The following PI4KA variants were observed in gnomAD, a reference collection of about 807,000 sequenced individuals.
The protein encoded by PI4KA is PI4-kinase alpha.
PI4KA carries 122 observed loss-of-function variants against 271.4 expected under a neutral mutation model. That is an observed-to-expected ratio of 0.45 (90% CI 0.39 to 0.52). PI4KA has a LOEUF of 0.52. Among genes scored for constraint, PI4KA ranks in the 20% least tolerant of loss-of-function variants. The pLI is 0.00. For missense variants in PI4KA, 1,969 were observed against 2,769.1 expected (o/e 0.71, Z 6.48); for synonymous variants, 1,041 against 1,078.8 (o/e 0.96, Z 0.69).
intron 23 of PI4KA, among the ~76,000 whole-genome samples, chr22:20,759,472 C>T (rs1303403492): frequency 2.9e-5 from 4 of 138,636 alleles, no homozygotes; most frequent in African/African-American, 8.2e-5. Context: ...GGCACGATCT[C>T]GGCTCACCTC....
rs372430628 is a variant in PI4KA, at chr22:20,759,023, T to C, written c.2791+2281A>G. ...ACTAGAAGAGTCTTACCTGAAGCAG[T>C]ATCTCAGAGCCCCTGGGGCATTTTT... is the stretch of plus-strand genomic sequence containing the variant. On this transcript the variant is annotated intron_variant, in intron 23 of 54. Transcript: ENST00000255882. Among the ~76,000 whole-genome samples, 3 of 152,238 alleles carry C rather than the reference T, an allele frequency of 2.0e-5. No homozygotes were observed. The East Asian group carries it at 5.8e-4, about 29-fold the overall frequency.
intron 19 of PI4KA, among the ~76,000 whole-genome samples, chr22:20,783,500 C>A (rs1933962349): frequency 2.0e-5 from 3 of 150,988 alleles, no homozygotes; most frequent in African/African-American, 7.3e-5. Flanking sequence ...GTAGTCCAAG[C>A]TACTGGGGAG....
At position 20,747,363 on chromosome 22, in the gene PI4KA, TA is replaced by T. The variant is rs369504375; in HGVS notation, c.3363+219del. Reference sequence around the variant, plus strand: ...ACTGATCCCCATAAATCCATAAATTTAAAAAAAAAAAAGCACAATAAGGAAA... The same window carrying T: ...ACTGATCCCCATAAATCCATAAATTTAAAAAAAAAAAGCACAATAAGGAAA... On this transcript the variant is annotated intron_variant, in intron 29 of 54. Transcript: ENST00000255882. The T allele has an allele frequency of 0.13, 46,602 of 349,622 alleles. 407 individuals carry two copies. Among genetic ancestry groups the T allele is most frequent in the Middle Eastern group, 0.16 (211 of 1,296 alleles). The allele number at this position is 349,622 out of a possible 1,614,324, so 21.7% of individuals were successfully genotyped here. A position where few individuals can be genotyped will look rare whatever the true frequency, so the allele number is the denominator to read the frequency against.
chr22:20,725,878 C>A, intron 42 of PI4KA: 2 of 164,224 alleles, frequency 1.2e-5, no homozygotes, highest in Admixed American at 6.3e-5. Context: ...CGCCACTGCA[C>A]TCTAGCCTGA....
intron 1 of PI4KA, among the ~76,000 whole-genome samples, chr22:20,842,242 A>T (rs957212765): frequency 9.3e-5 from 14 of 151,224 alleles, no homozygotes; most frequent in Non-Finnish European, 1.5e-4. Flanking sequence ...TATACATATT[A>T]AAAAAAAATG....
chr22:20,825,317 G>T (rs900369743), intron 3 of PI4KA, among the ~76,000 whole-genome samples: 3 of 152,084 alleles, frequency 2.0e-5, no homozygotes, highest in African/African-American at 7.2e-5. Flanking sequence ...AGGACAGACT[G>T]GGTGCAGTGG....
At chr22:20,816,003 G>A (rs1921762538) in intron 7 of PI4KA, among the ~76,000 whole-genome samples, 1 of 151,924 alleles carries the variant, frequency 6.6e-6, no homozygotes, top group Non-Finnish European at 1.5e-5. Context: ...GCAGTGTCAC[G>A]ATGTCTGCTC....
chr22:20,721,870 T>C (rs1356110113), intron 42 of PI4KA: 1 of 164,094 alleles, frequency 6.1e-6, no homozygotes, highest in Admixed American at 5.8e-5. Flanking sequence ...AGGTTTTGTG[T>C]CCCCACCCAA....
intron 19 of PI4KA, among the ~76,000 whole-genome samples, chr22:20,770,513 CA>C (rs1178691364): frequency 4.5e-3 from 59 of 13,200 alleles, no homozygotes; most frequent in South Asian, 0.025. Context: ...AACTCCGTCT[CA>C]AAAAAAAAAA....
At chr22:20,835,424 T>C (rs1924726920) in intron 2 of PI4KA, among the ~76,000 whole-genome samples, 1 of 152,144 alleles carries the variant, frequency 6.6e-6, no homozygotes, top group Non-Finnish European at 1.5e-5. Flanking sequence ...CATGGTAGTT[T>C]TAAAAACATG....
At chr22:20,752,793 T>A (rs1183159244) in intron 25 of PI4KA, 110 bp downstream of exon 25, 10 of 1,194,836 alleles carry the variant, frequency 8.4e-6, no homozygotes, top group Non-Finnish European at 1.2e-5. Flanking sequence ...GTTTTCATTC[T>A]GACTCCATTT....
chr22:20,716,769 C>A (rs2147187397), intron 45 of PI4KA, among the ~76,000 whole-genome samples: 1 of 152,340 alleles, frequency 6.6e-6, no homozygotes, highest in Middle Eastern at 3.4e-3. Flanking sequence ...GATGCGGGAA[C>A]AGAGGCCCTG....
intron 32 of PI4KA, among the ~76,000 whole-genome samples, chr22:20,741,791 A>G (rs1929490882): frequency 6.6e-6 from 1 of 152,218 alleles, no homozygotes; most frequent in African/African-American, 2.4e-5. Context: ...TTATCTAATC[A>G]GCTGAAACGT....
intron 9 of PI4KA, among the ~76,000 whole-genome samples, chr22:20,807,693 T>C (rs1935746540): frequency 6.6e-6 from 1 of 152,154 alleles, no homozygotes; most frequent in South Asian, 2.1e-4. Context: ...AGCAGCCATC[T>C]GCACCCTAGT....
chr22:20,816,333 T>G (rs1031120226), intron 7 of PI4KA, among the ~76,000 whole-genome samples: 1 of 152,220 alleles, frequency 6.6e-6, no homozygotes, highest in Non-Finnish European at 1.5e-5. Flanking sequence ...CTCACTATGT[T>G]GCCCAGGCTA....
chr22:20,851,618 G>T (rs1027162199), intron 1 of PI4KA, among the ~76,000 whole-genome samples: 12 of 152,176 alleles, frequency 7.9e-5, no homozygotes, highest in African/African-American at 2.4e-4. Flanking sequence ...GATTACAGGC[G>T]TGAGCCACTG....
intron 4 of PI4KA, among the ~76,000 whole-genome samples, chr22:20,823,239 T>C (rs1380258321): frequency 2.0e-5 from 3 of 152,182 alleles, no homozygotes; most frequent in Non-Finnish European, 4.4e-5. Flanking sequence ...TATGTTAAAG[T>C]CATGTTATCA....
chr22:20,747,060 T>C (rs1930192890), intron 29 of PI4KA, among the ~76,000 whole-genome samples: 1 of 152,214 alleles, frequency 6.6e-6, no homozygotes, highest in Non-Finnish European at 1.5e-5. Flanking sequence ...CAGGTGGAAC[T>C]GCCTGCTTTA....
chr22:20,824,772 ACACAC>A (rs1923174409), intron 3 of PI4KA, among the ~76,000 whole-genome samples: 1 of 148,478 alleles, frequency 6.7e-6, no homozygotes, highest in Non-Finnish European at 1.5e-5. Flanking sequence ...ACACACACAC[ACACAC>A]ACAAAACACT....
Sources: gnomAD v4.1 joint callset for allele counts (sites outside exome capture counted in the v4.1 genomes callset) on GRCh38, gnomAD v4.1.1 for gene constraint, MANE v1.5 for transcripts, NCBI Gene and HGNC (gene_info 2026-07-23, HGNC 2026-07-21) for gene names.